MYLK: variants seen among roughly 807,000 people sequenced by gnomAD.
MYLK encodes myosin light chain kinase, smooth muscle.
MYLK carries 106 observed loss-of-function variants against 203.4 expected under a neutral mutation model. The ratio of observed to expected loss-of-function variants is 0.52; its 90% CI spans 0.45 to 0.61. The LOEUF (loss-of-function observed/expected upper bound fraction) is 0.61. Among genes scored for constraint, MYLK ranks in the 20% least tolerant of loss-of-function variants. The probability of loss-of-function intolerance (pLI) is 0.00; values close to 1 mark genes in which losing one functional copy is unlikely to be tolerated. For missense variants in MYLK, 2,072 were observed against 2,442.3 expected, an observed-to-expected ratio of 0.85 and a Z score of 3.20; for synonymous variants, 867 against 959.5, an observed-to-expected ratio of 0.90 and a Z score of 1.78.
chr3:123,798,080 C>G (rs2065054979), intron 3 of MYLK, among the ~76,000 whole-genome samples: 1 of 152,188 alleles, frequency 6.6e-6, no homozygotes, highest in Non-Finnish European at 1.5e-5. Flanking sequence ...GTACTAGCAG[C>G]ACCATTTAAT....
chr3:123,808,832 T>G (rs2065458233), intron 3 of MYLK, among the ~76,000 whole-genome samples: 1 of 152,348 alleles, frequency 6.6e-6, no homozygotes, highest in Middle Eastern at 3.4e-3. Context: ...ACTGTATTAC[T>G]TTCATTTTAA....
intron 3 of MYLK, among the ~76,000 whole-genome samples, chr3:123,806,277 G>A (rs2065363413): frequency 6.6e-6 from 1 of 152,182 alleles, no homozygotes; most frequent in Admixed American, 6.5e-5. Context: ...TTTTATGGAT[G>A]AGGAAACTAG....
intron 4 of MYLK, among the ~76,000 whole-genome samples, chr3:123,778,066 C>T (rs1035971437): frequency 1.3e-5 from 2 of 152,134 alleles, no homozygotes; most frequent in African/African-American, 2.4e-5. Flanking sequence ...TGACTCCACA[C>T]CTCTACTCCA....
chr3:123,645,812 G>C (rs1408709109), intron 27 of MYLK, among the ~76,000 whole-genome samples: 1 of 152,202 alleles, frequency 6.6e-6, no homozygotes, highest in African/African-American at 2.4e-5. Flanking sequence ...AGCTCACTAG[G>C]TAGTGAGATG....
chr3:123,670,755 A>G (rs2059889881), intron 20 of MYLK, among the ~76,000 whole-genome samples: 1 of 152,240 alleles, frequency 6.6e-6, no homozygotes, highest in Admixed American at 6.5e-5. Flanking sequence ...AAAAAAAGAA[A>G]GAAAATTAAA....
chr3:123,877,659 G>C (rs2033246165), intron 1 of MYLK, among the ~76,000 whole-genome samples: 1 of 152,216 alleles, frequency 6.6e-6, no homozygotes, highest in East Asian at 1.9e-4. Flanking sequence ...GCTTTTGATA[G>C]TAATCAGAGG....
intron 4 of MYLK, among the ~76,000 whole-genome samples, chr3:123,781,734 C>T (rs1021379532): frequency 2.6e-5 from 4 of 151,932 alleles, no homozygotes; most frequent in African/African-American, 7.3e-5. Flanking sequence ...GTGTGTAGAT[C>T]TCAACACCAC....
At chr3:123,632,994 C>T (rs1404557378) in intron 29 of MYLK, among the ~76,000 whole-genome samples, 1 of 152,030 alleles carries the variant, frequency 6.6e-6, no homozygotes, top group Non-Finnish European at 1.5e-5. Context: ...TGGGGTTTCA[C>T]CATGTTGCCC....
In MYLK at chr3:123,802,077, C is replaced by T. The variant is rs150945396; in HGVS notation, c.-3-8233G>A. 6.1e-3 allele frequency among the ~76,000 whole-genome samples: 933 copies of T among 152,298 alleles called. 11 individuals carry two copies. The highest frequency in any genetic ancestry group is 0.022 in the African/African-American group (901 of 41,556). ...ATAAGTGTCTTTCTTTTTTTCTCCA[C>T]AGCCTTGCCAACATTTGTTATTTTG... On this transcript the variant is annotated intron_variant, in intron 3 of 33. Transcript: ENST00000360304.
intron 23 of MYLK, chr3:123,659,745 C>T (rs773306366): frequency 2.3e-5 from 12 of 513,244 alleles, no homozygotes; most frequent in African/African-American, 3.9e-5. Context: ...TCCTCCACGG[C>T]GACACACTCA....
rs986822566 is a variant in MYLK, at chr3:123,702,664, G to C, written c.2391-1155C>G. ...GCTCTGTGAGATTAGAGTCACCACT[G>C]TTTTTATAAGGTAAGAAATATGAGG... On this transcript the variant is annotated intron_variant, in intron 16 of 33. Transcript: ENST00000360304. Among the ~76,000 whole-genome samples the C allele has an allele frequency of 3.4e-4, 52 of 152,154 alleles. 2 individuals are homozygous for C. Among genetic ancestry groups the C allele is most frequent in the Non-Finnish European group, 1.5e-5 (1 of 68,014 alleles).
rs141974889 is a variant in MYLK at position 123,793,759 on chromosome 3, G to C, written c.83C>G (p.Pro28Arg). 5.0e-6 allele frequency: 8 copies of C among 1,613,646 alleles called. No individual in the cohort carries two copies. The African/African-American group carries it at 9.4e-5, about 19-fold the overall frequency. The change falls in exon 4 of 34, where the codon CCC (proline) becomes CGC (arginine). Residue 28 changes from proline to arginine, a missense_variant. Transcript: ENST00000360304. The part of the protein sequence containing the change: ...SVDPSRVDSM[P>R]LTEAPAFILP... ...AATGAAAGCAGGGGCCTCTGTCAGG[G>C]GCATGGAGTCAACTCTTGAGGGATC... is the stretch of plus-strand genomic sequence containing the variant.
In MYLK at chr3:123,733,997, C is replaced by T. The variant is rs13319347; in HGVS notation, c.999G>A (p.Pro333=). ...AAGTCTTCTGAAGGACCGGGGTCTG[C>T]GGGGCCGTTCTGGGCGAGTCCTTGC... is the stretch of plus-strand genomic sequence containing the variant. ...ESCKDSPRTA[P]QTPVLQKTSS... Residue 333 remains proline, a synonymous_variant, in exon 10 of 34, where the codon CCG becomes CCA. Coordinates refer to ENST00000360304, the MANE Select transcript of MYLK (RefSeq NM_053025.4). The T allele has an allele frequency of 7.4e-4, 1,196 of 1,614,206 alleles. 1 individual carries two copies. Among genetic ancestry groups the T allele is most frequent in the Non-Finnish European group, 9.6e-4 (1,137 of 1,180,044 alleles).
chr3:123,829,071 G>A (rs568132035), intron 3 of MYLK, among the ~76,000 whole-genome samples: 1 of 152,144 alleles, frequency 6.6e-6, no homozygotes, highest in Admixed American at 6.5e-5. Flanking sequence ...ACAGCCATAT[G>A]ATCCAGCAAT....
At chr3:123,883,716 T>C (rs951683519) in intron 1 of MYLK, among the ~76,000 whole-genome samples, 2 of 152,132 alleles carry the variant, frequency 1.3e-5, no homozygotes, top group African/African-American at 4.8e-5. Flanking sequence ...ATGAGGAGTA[T>C]GGAGTAGGAA....
intron 2 of MYLK, among the ~76,000 whole-genome samples, chr3:123,850,523 T>C (rs1376118751): frequency 6.6e-6 from 1 of 152,250 alleles, no homozygotes; most frequent in Non-Finnish European, 1.5e-5. Flanking sequence ...CATTTGTCTT[T>C]TGGCTGCATA....
In MYLK at chr3:123,629,378, G is replaced by A; in HGVS notation, c.5114+96C>T. 1 of 1,462,954 alleles carries A rather than the reference G, an allele frequency of 6.8e-7. No individual in the cohort carries two copies. Among genetic ancestry groups the A allele is most frequent in the Non-Finnish European group, 9.5e-7 (1 of 1,054,174 alleles). 90.6% of individuals were successfully genotyped at this position (1,462,954 alleles called of 1,614,324 possible). ...GCTAGGAACGACCCAAGGCGGGGTGGCAAGGAGGGCACCCCAACAGGCAAA... is the reference window on the plus strand; with the variant it reads ...GCTAGGAACGACCCAAGGCGGGGTGACAAGGAGGGCACCCCAACAGGCAAA... On this transcript the variant is annotated intron_variant, in intron 30 of 33. Coordinates refer to ENST00000360304, the MANE Select transcript of MYLK (RefSeq NM_053025.4). This position sits in a 1 kb window ranked among gnomAD's most constrained non-coding sequence, Gnocchi z 4.4.
At chr3:123,808,975 T>C (rs1298845715) in intron 3 of MYLK, among the ~76,000 whole-genome samples, 1 of 152,180 alleles carries the variant, frequency 6.6e-6, no homozygotes, top group Non-Finnish European at 1.5e-5. Context: ...GGTGACAAGG[T>C]CACATTGTTA....
rs2058032475 is a variant in MYLK at position 123,624,344 on chromosome 3, A to T, written c.5238+2474T>A. 4 of 150,652 alleles carry T rather than the reference A, an allele frequency of 2.7e-5. No individual in the cohort carries two copies. In the South Asian group the frequency reaches 8.4e-4, roughly 32 times the overall value. 9.3% of individuals were successfully genotyped at this position (150,652 alleles called of 1,614,324 possible). On this transcript the variant is annotated intron_variant, in intron 31 of 33. Coordinates refer to ENST00000360304, the MANE Select transcript of MYLK (RefSeq NM_053025.4). ...TGTCTCTTTAAAAAAAAAAAAAAAA[A>T]TCAGCACCACTATGATTCCCTGACT...
Sources: allele counts gnomAD v4.1 joint callset (sites outside exome capture counted in the v4.1 genomes callset), GRCh38; gene constraint gnomAD v4.1.1; non-coding constraint Gnocchi (gnomAD v3.1); transcripts MANE v1.5; gene names NCBI Gene and HGNC (gene_info 2026-07-23, HGNC 2026-07-21).